Variants in DCC observed in about 807,000 individuals in gnomAD.
DCC encodes the protein DCC netrin 1 receptor, also known as netrin receptor DCC.
DCC carries 58 observed loss-of-function variants against 172.5 expected under a neutral mutation model. The observed-to-expected ratio is 0.34, with a 90% CI of 0.27 to 0.42. DCC has a LOEUF of 0.42. Ranked by LOEUF, DCC falls within the 10% of genes least tolerant of loss-of-function variation. The pLI is 1.00. For missense variants in DCC, 1,740 were observed against 1,791.0 expected (o/e 0.97, Z 0.51); for synonymous variants, 709 against 644.5 (o/e 1.10, Z -1.52).
At chr18:52,702,118 C>A (rs1599031291) in intron 1 of DCC, among the ~76,000 whole-genome samples, 2 of 152,146 alleles carry the variant, frequency 1.3e-5, no homozygotes, top group African/African-American at 4.8e-5. Flanking sequence ...TCATGATATA[C>A]AACTATGAAA....
chr18:52,392,525 T>C (rs144467305), intron 1 of DCC, among the ~76,000 whole-genome samples: 1 of 152,134 alleles, frequency 6.6e-6, no homozygotes, highest in Non-Finnish European at 1.5e-5. Flanking sequence ...TTATGTACAA[T>C]GCAAGTTGAT....
chr18:52,967,372 T>C, intron 5 of DCC, among the ~76,000 whole-genome samples: 1 of 152,226 alleles, frequency 6.6e-6, no homozygotes, highest in East Asian at 1.9e-4. Context: ...TTTGCAGGTC[T>C]CTTTCTTAAT....
chr18:52,820,808 A>C (rs2038391387), intron 2 of DCC, among the ~76,000 whole-genome samples: 1 of 152,212 alleles, frequency 6.6e-6, no homozygotes, highest in Non-Finnish European at 1.5e-5. Context: ...CCTCAGAGAC[A>C]CTAGCAATTA....
intron 2 of DCC, among the ~76,000 whole-genome samples, chr18:52,849,285 C>T (rs575213641): frequency 6.6e-6 from 1 of 152,260 alleles, no homozygotes; most frequent in South Asian, 2.1e-4. Context: ...GTCATGCCTA[C>T]CTCAGTTAAT....
intron 2 of DCC, among the ~76,000 whole-genome samples, chr18:52,876,318 C>A (rs751378907): frequency 3.9e-5 from 6 of 152,132 alleles, no homozygotes; most frequent in Non-Finnish European, 8.8e-5. Flanking sequence ...GATCTACATT[C>A]CTTTTCTCAG....
At chr18:53,448,070 T>TTA (rs1555673139) in intron 22 of DCC, among the ~76,000 whole-genome samples, 20 of 150,170 alleles carry the variant, frequency 1.3e-4, no homozygotes, top group Admixed American at 4.6e-4. Flanking sequence ...TTTTTTTTTT[T>TTA]ACAAAAGCAA....
intron 1 of DCC, among the ~76,000 whole-genome samples, chr18:52,383,787 A>G (rs1455408281): frequency 1.3e-5 from 2 of 151,992 alleles, no homozygotes; most frequent in Non-Finnish European, 2.9e-5. Flanking sequence ...TGATATAACA[A>G]CATTTCAAAA....
At chr18:52,679,451 T>C (rs763104157) in intron 1 of DCC, among the ~76,000 whole-genome samples, 1 of 152,138 alleles carries the variant, frequency 6.6e-6, no homozygotes, top group Non-Finnish European at 1.5e-5. Flanking sequence ...ATCCTATCTA[T>C]TGTTAACAGA....
At chr18:53,098,849 C>G (rs2092541443) in intron 7 of DCC, among the ~76,000 whole-genome samples, 1 of 151,966 alleles carries the variant, frequency 6.6e-6, no homozygotes, top group African/African-American at 2.4e-5. Context: ...CCCTACAAAA[C>G]GTTTTTAAAA....
At chr18:52,671,091 T>A (rs1041620632) in intron 1 of DCC, among the ~76,000 whole-genome samples, 2 of 152,176 alleles carry the variant, frequency 1.3e-5, no homozygotes, top group African/African-American at 4.8e-5. Context: ...TATCATTAAC[T>A]TAGTGACCCC....
intron 1 of DCC, among the ~76,000 whole-genome samples, chr18:52,592,564 C>A (rs1236263744): frequency 1.3e-5 from 2 of 152,090 alleles, no homozygotes; most frequent in African/African-American, 4.8e-5. Context: ...AGCAGAATAG[C>A]CAAAGGAACT....
intron 1 of DCC, among the ~76,000 whole-genome samples, chr18:52,466,845 A>G (rs1988797576): frequency 6.6e-6 from 1 of 152,116 alleles, no homozygotes; most frequent in African/African-American, 2.4e-5. Context: ...TAAGCATTTC[A>G]TATACACTTG....
chr18:53,000,588 T>C (rs1417601595), intron 5 of DCC, among the ~76,000 whole-genome samples: 12 of 12,758 alleles, frequency 9.4e-4, no homozygotes, highest in East Asian at 6.0e-3. Flanking sequence ...TTACATTCTT[T>C]TTTTTTTTTT....
chr18:52,547,893 T>C (rs2032661075), intron 1 of DCC, among the ~76,000 whole-genome samples: 1 of 152,168 alleles, frequency 6.6e-6, no homozygotes, highest in Non-Finnish European at 1.5e-5. Context: ...CTTTGCCATG[T>C]AGCCCAAAAG....
chr18:52,628,367 C>G (rs533356721), intron 1 of DCC, among the ~76,000 whole-genome samples: 1 of 152,344 alleles, frequency 6.6e-6, no homozygotes, highest in East Asian at 1.9e-4. Flanking sequence ...TCCAATGTGT[C>G]TTTCACTGTA....
intron 5 of DCC, among the ~76,000 whole-genome samples, chr18:52,956,194 C>G (rs2040738857): frequency 6.6e-6 from 1 of 151,864 alleles, no homozygotes; most frequent in African/African-American, 2.4e-5. Flanking sequence ...TATAGTTTAG[C>G]ATTTTAAATT....
chr18:52,458,109 C>T (rs946471234), intron 1 of DCC, among the ~76,000 whole-genome samples: 2 of 152,128 alleles, frequency 1.3e-5, no homozygotes, highest in Non-Finnish European at 2.9e-5. Flanking sequence ...CTCTGATGTC[C>T]TTGGTGGTCC....
At chr18:53,389,223 C>A (rs1353906598) in intron 16 of DCC, among the ~76,000 whole-genome samples, 2 of 151,838 alleles carry the variant, frequency 1.3e-5, no homozygotes, top group East Asian at 1.9e-4. Flanking sequence ...TTTTTCAATT[C>A]TCTTGAATGT....
chr18:53,085,766 G>A (rs1376993080), intron 7 of DCC, among the ~76,000 whole-genome samples: 1 of 151,442 alleles, frequency 6.6e-6, no homozygotes, highest in Non-Finnish European at 1.5e-5. Context: ...ATGCTGGCTT[G>A]AACTTAGACC....
Sources: allele counts gnomAD v4.1 joint callset (sites outside exome capture counted in the v4.1 genomes callset), GRCh38; gene constraint gnomAD v4.1.1; transcripts MANE v1.5; gene names NCBI Gene and HGNC (gene_info 2026-07-23, HGNC 2026-07-21).